The following KANK1 variants were observed in gnomAD, a reference collection of about 807,000 sequenced individuals.
KANK1 encodes the protein KN motif and ankyrin repeat domain-containing protein 1.
In KANK1, 109 loss-of-function variants were observed where a neutral mutation model predicts 106.2. The ratio of observed to expected loss-of-function variants is 1.03; its 90% CI spans 0.88 to 1.20. The LOEUF is 1.20. Among genes scored for constraint, KANK1 ranks in the 50% most tolerant of loss-of-function variants. The pLI, the probability that KANK1 is intolerant of heterozygous loss-of-function variation, is 0.00. For synonymous variants in KANK1, 873 were observed against 652.2 expected (o/e 1.34, Z -5.16); for missense variants, 2,399 against 1,710.7 (o/e 1.40, Z -7.10).
intron 1 of KANK1, among the ~76,000 whole-genome samples, chr9:559,867 C>G (rs4742091): frequency 0.33 from 50,752 of 151,926 alleles, 9,762 homozygotes; most frequent in African/African-American, 0.51. Flanking sequence ...ATACTCTGTT[C>G]TTCACATACT....
At chr9:701,705 G>T (rs1822715193) in intron 2 of KANK1, among the ~76,000 whole-genome samples, 1 of 152,104 alleles carries the variant, frequency 6.6e-6, no homozygotes, top group South Asian at 2.1e-4. Context: ...TGGTTTAAAA[G>T]AAAAATTACC....
At chr9:692,997 A>C (rs1011897897) in intron 2 of KANK1, among the ~76,000 whole-genome samples, 1 of 152,034 alleles carries the variant, frequency 6.6e-6, no homozygotes, top group Non-Finnish European at 1.5e-5. Context: ...GTGATACACT[A>C]TCTCAAAAAA....
intron 1 of KANK1, among the ~76,000 whole-genome samples, chr9:580,989 G>A (rs761635145): frequency 3.9e-5 from 6 of 152,310 alleles, no homozygotes; most frequent in East Asian, 1.9e-4. Context: ...GGAACCCAGC[G>A]CACCCTCCGC....
At position 711,378 on chromosome 9, in the gene KANK1, C is replaced by G. The variant is rs986903707; in HGVS notation, c.612C>G (p.Asn204Lys). ...TCCCTTCTTTTGTGGGTTCTGGAAA[C>G]CACAATCCTGCCAAGCACCAGCTTC... ...SSLPSFVGSG[N>K]HNPAKHQLQN... Residue 204 changes from asparagine (N) to lysine (K), a missense_variant, in exon 3 of 12, where the codon AAC (asparagine) becomes AAG (lysine). By Grantham distance (94) the Asn-to-Lys change is moderately conservative (BLOSUM62 0). Transcript: ENST00000382297. The G allele has an allele frequency of 3.7e-6, 6 of 1,614,018 alleles. No individual in the cohort carries two copies. The African/African-American group carries it at 8.0e-5, about 22-fold the overall frequency.
intron 1 of KANK1, among the ~76,000 whole-genome samples, chr9:507,318 G>A (rs2132677849): frequency 1.3e-5 from 2 of 152,120 alleles, no homozygotes; most frequent in South Asian, 4.2e-4. Flanking sequence ...TCATGCCACT[G>A]CACTCCAGCC....
chr9:506,356 A>T (rs773759291), intron 1 of KANK1, among the ~76,000 whole-genome samples: 1 of 152,212 alleles, frequency 6.6e-6, no homozygotes, highest in Non-Finnish European at 1.5e-5. Flanking sequence ...GTTAAAATGA[A>T]TAAGGATGGA....
At chr9:604,798 T>G (rs1370995082) in intron 1 of KANK1, among the ~76,000 whole-genome samples, 1 of 151,658 alleles carries the variant, frequency 6.6e-6, no homozygotes, top group East Asian at 1.9e-4. Context: ...CCACTGCACT[T>G]CAGCCTGTGT....
chr9:674,120 G>A (rs4742216), intron 1 of KANK1: 110,942 of 152,034 alleles, frequency 0.73, 42,143 homozygotes, highest in African/African-American at 0.93. Flanking sequence ...TCAGCCAGCA[G>A]TGACTGTGCA....
intron 2 of KANK1, among the ~76,000 whole-genome samples, chr9:694,714 C>T (rs913169183): frequency 1.4e-4 from 21 of 152,176 alleles, no homozygotes; most frequent in African/African-American, 4.6e-4. Context: ...CCGCTGTCTT[C>T]CCCTCACTCT....
At chr9:554,495 T>C (rs1372369869) in intron 1 of KANK1, among the ~76,000 whole-genome samples, 2 of 152,246 alleles carry the variant, frequency 1.3e-5, no homozygotes, top group Non-Finnish European at 2.9e-5. Flanking sequence ...CCAGTGCTTA[T>C]TTAATTTTAC....
rs552990580 is a variant in KANK1, at chr9:652,901, A to G, written c.-83-23989A>G. On this transcript the variant is annotated intron_variant, in intron 1 of 11. Transcript: ENST00000382297. The stretch of plus-strand genomic sequence containing the variant: ...TGGAAGGGATGGGGAAAAAGTAGCC[A>G]CCCTGGGAGCTGAGTTAGAGGAGAA... Among the ~76,000 whole-genome samples the G allele has an allele frequency of 3.9e-5, 6 of 152,304 alleles. 1 individual carries two copies. Among genetic ancestry groups the G allele is most frequent in the African/African-American group, 1.4e-4 (6 of 41,558 alleles).
At chr9:729,906 A>G (rs2131679459) in intron 3 of KANK1, 145 bp from the exon 4 acceptor site, 1 of 670,260 alleles carries the variant, frequency 1.5e-6, no homozygotes, top group Non-Finnish European at 2.5e-6. Flanking sequence ...AAATCAGGAA[A>G]GCTGGAGCGT....
chr9:649,925 C>G (rs913402132), intron 1 of KANK1, among the ~76,000 whole-genome samples: 1 of 152,082 alleles, frequency 6.6e-6, no homozygotes, highest in African/African-American at 2.4e-5. Context: ...CCCCGTTGCC[C>G]TTTTAGAATG....
chr9:602,816 G>T (rs1828103532), intron 1 of KANK1, among the ~76,000 whole-genome samples: 1 of 151,790 alleles, frequency 6.6e-6, no homozygotes, highest in South Asian at 2.1e-4. Flanking sequence ...TTTAGTTCTT[G>T]CAAAATAGAT....
intron 1 of KANK1, among the ~76,000 whole-genome samples, chr9:514,335 T>C (rs2059188719): frequency 7.0e-6 from 1 of 142,572 alleles, no homozygotes; most frequent in Non-Finnish European, 1.5e-5. Context: ...AGCTTCAGGG[T>C]AGCCCTTTTT....
intron 1 of KANK1, among the ~76,000 whole-genome samples, chr9:527,084 C>G (rs942672387): frequency 1.3e-5 from 2 of 151,712 alleles, no homozygotes. Flanking sequence ...TTTTAAGTAC[C>G]TGTCACTGAC....
intron 1 of KANK1, among the ~76,000 whole-genome samples, chr9:596,907 C>T (rs904630335): frequency 4.0e-5 from 6 of 151,596 alleles, no homozygotes; most frequent in Non-Finnish European, 7.4e-5. Context: ...ACTATTCTCT[C>T]CTCTCTCTCA....
chr9:533,868 C>G (rs1338305652), intron 1 of KANK1, among the ~76,000 whole-genome samples: 1 of 152,206 alleles, frequency 6.6e-6, no homozygotes, highest in Admixed American at 6.5e-5. Flanking sequence ...CATGCCTCCC[C>G]TTTTCCATGT....
chr9:564,897 C>T (rs1206971353), intron 1 of KANK1, among the ~76,000 whole-genome samples: 1 of 152,244 alleles, frequency 6.6e-6, no homozygotes, highest in Non-Finnish European at 1.5e-5. Context: ...CTCTGGTCCA[C>T]ACAGGTGACT....
Sources: gnomAD v4.1 joint callset for allele counts (sites outside exome capture counted in the v4.1 genomes callset) on GRCh38, gnomAD v4.1.1 for gene constraint, MANE v1.5 for transcripts, NCBI Gene and HGNC (gene_info 2026-07-23, HGNC 2026-07-21) for gene names.